The following ADAMTSL1 variants were observed in gnomAD, a reference collection of about 807,000 sequenced individuals.
The protein encoded by ADAMTSL1 is ADAMTS like 1.
Under a neutral mutation model 201.8 loss-of-function variants are expected in ADAMTSL1, and 126 were observed. The observed-to-expected ratio is 0.62, with a 90% CI of 0.54 to 0.72. The LOEUF is 0.72. Ranked by LOEUF, ADAMTSL1 falls within the 30% of genes least tolerant of loss-of-function variation. ADAMTSL1 has a pLI of 0.00. For missense variants in ADAMTSL1, 2,679 were observed against 2,277.8 expected, an observed-to-expected ratio of 1.18 and a Z score of -3.59; for synonymous variants, 1,121 against 903.4, an observed-to-expected ratio of 1.24 and a Z score of -4.32.
At chr9:18,145,378 G>A (rs140253478) in intron 1 of ADAMTSL1, among the ~76,000 whole-genome samples, 16 of 152,204 alleles carry the variant, frequency 1.1e-4, no homozygotes, top group East Asian at 1.9e-4. Flanking sequence ...AGTTTCTTGC[G>A]TTCTAAGTGA....
intron 9 of ADAMTSL1, among the ~76,000 whole-genome samples, chr9:18,665,663 C>T (rs988513535): frequency 9.2e-5 from 14 of 151,996 alleles, no homozygotes; most frequent in African/African-American, 3.4e-4. Context: ...TTTGTTCCCA[C>T]CATCTTCTTT....
At chr9:18,390,420 A>G (rs1837996822) in intron 2 of ADAMTSL1, among the ~76,000 whole-genome samples, 1 of 152,248 alleles carries the variant, frequency 6.6e-6, no homozygotes, top group South Asian at 2.1e-4. Flanking sequence ...GCAGTCTGCA[A>G]TATTGAGTTC....
intron 5 of ADAMTSL1, among the ~76,000 whole-genome samples, chr9:18,626,837 CTT>C (rs369648991): frequency 0.018 from 2,211 of 125,302 alleles, 30 homozygotes; most frequent in African/African-American, 0.03. Context: ...TTCTTACTTT[CTT>C]TTTCTTTCTT....
At position 18,588,621 on chromosome 9, in the gene ADAMTSL1, G is replaced by A. The variant is rs140440060; in HGVS notation, c.474+14355G>A. On this transcript the variant is annotated intron_variant, in intron 4 of 28. Coordinates refer to ENST00000380548, the MANE Select transcript of ADAMTSL1 (RefSeq NM_001040272.6). ...ACATTTAAGTCTTTAATCAATATTG[G>A]GTTAATTTTATATTTACTAAAAAAT... Among the ~76,000 whole-genome samples, 140 of 151,438 alleles carry A rather than the reference G, an allele frequency of 9.2e-4. 1 individual carries two copies. The East Asian group carries it at 0.015, about 17-fold the overall frequency.
At chr9:18,463,252 C>A (rs1416246474) in intron 2 of ADAMTSL1, among the ~76,000 whole-genome samples, 1 of 152,138 alleles carries the variant, frequency 6.6e-6, no homozygotes, top group Admixed American at 6.5e-5. Context: ...CATTGAGTTT[C>A]TGCAGTTACT....
intron 5 of ADAMTSL1, among the ~76,000 whole-genome samples, chr9:18,634,437 C>T (rs1303713688): frequency 6.6e-6 from 1 of 152,160 alleles, no homozygotes. Context: ...GTGGTGTGCA[C>T]CTGCAGTCCC....
intron 2 of ADAMTSL1, among the ~76,000 whole-genome samples, chr9:18,461,290 TTTTCTC>T (rs1220920168): frequency 6.6e-6 from 1 of 152,172 alleles, no homozygotes; most frequent in African/African-American, 2.4e-5. Flanking sequence ...TGCATCATCT[TTTTCTC>T]TTTAATTTTG....
intron 16 of ADAMTSL1, among the ~76,000 whole-genome samples, chr9:18,770,072 A>C (rs556257441): frequency 3.9e-5 from 6 of 152,186 alleles, no homozygotes; most frequent in Non-Finnish European, 7.3e-5. Flanking sequence ...TCAGTCCTGC[A>C]AGAAGAGTAT....
At chr9:18,107,923 C>T (rs1824831194) in intron 1 of ADAMTSL1, among the ~76,000 whole-genome samples, 1 of 152,092 alleles carries the variant, frequency 6.6e-6, no homozygotes, top group South Asian at 2.1e-4. Context: ...AGCACAGTTT[C>T]CTGCCGCCAA....
chr9:17,981,012 C>T (rs1176812852), intron 1 of ADAMTSL1, among the ~76,000 whole-genome samples: 1 of 152,150 alleles, frequency 6.6e-6, no homozygotes, highest in Admixed American at 6.5e-5. Flanking sequence ...AGAACTCACT[C>T]ATTGCCACGA....
chr9:18,756,079 ATAT>A (rs1819733747), intron 16 of ADAMTSL1, among the ~76,000 whole-genome samples: 1 of 3,438 alleles, frequency 2.9e-4, no homozygotes, highest in Non-Finnish European at 6.2e-4. Context: ...TACTGAAAAT[ATAT>A]ATATATATAT....
At position 18,661,985 on chromosome 9, in the gene ADAMTSL1, G is replaced by A. The variant is rs764202410; in HGVS notation, c.997G>A (p.Val333Ile). Reference protein sequence around the residue: ...ECYDLRSNRVVADQYCHYYPE... With the variant: ...ECYDLRSNRVIADQYCHYYPE... ...CTACGATCTGAGGAGCAACCGTGTG[G>A]TTGCTGACCAATACTGTCACTATTA... The change falls in exon 9 of 29, where the codon GTT (valine) becomes ATT (isoleucine). Residue 333 changes from valine to isoleucine, a missense_variant. Val to Ile is a conservative substitution (Grantham distance 29, BLOSUM62 3). Coordinates refer to ENST00000380548, the MANE Select transcript of ADAMTSL1 (RefSeq NM_001040272.6). 17 of 1,614,058 alleles carry A rather than the reference G, an allele frequency of 1.1e-5. No individual in the cohort carries two copies. In the East Asian group the frequency reaches 3.8e-4, roughly 36 times the overall value.
At chr9:18,610,756 C>A (rs902184908) in intron 4 of ADAMTSL1, among the ~76,000 whole-genome samples, 1 of 152,026 alleles carries the variant, frequency 6.6e-6, no homozygotes, top group Non-Finnish European at 1.5e-5. Context: ...ATAGATAAAT[C>A]CCTCTTCACC....
chr9:18,652,782 T>C (rs1371626798), intron 7 of ADAMTSL1, among the ~76,000 whole-genome samples: 5 of 152,182 alleles, frequency 3.3e-5, no homozygotes, highest in Non-Finnish European at 7.3e-5. Context: ...CCATTGTAAG[T>C]TGAGGAGCAT....
intron 2 of ADAMTSL1, among the ~76,000 whole-genome samples, chr9:18,258,071 G>A (rs72684976): frequency 0.039 from 5,919 of 152,230 alleles, 158 homozygotes; most frequent in Non-Finnish European, 0.063. Flanking sequence ...GTGAATGAAC[G>A]TACGTAAAGC....
intron 2 of ADAMTSL1, among the ~76,000 whole-genome samples, chr9:18,192,882 C>A (rs892129561): frequency 2.0e-5 from 3 of 152,088 alleles, no homozygotes; most frequent in African/African-American, 7.2e-5. Flanking sequence ...TTATTGCAAG[C>A]ACTGTATGAA....
intron 23 of ADAMTSL1, among the ~76,000 whole-genome samples, chr9:18,835,206 C>T (rs1825239448): frequency 6.6e-6 from 1 of 152,022 alleles, no homozygotes; most frequent in South Asian, 2.1e-4. Context: ...AATTTGCATT[C>T]CCTTAATTAC....
At chr9:18,203,297 A>T (rs1233159180) in intron 2 of ADAMTSL1, among the ~76,000 whole-genome samples, 1 of 152,028 alleles carries the variant, frequency 6.6e-6, no homozygotes, top group African/African-American at 2.4e-5. Context: ...CTGCCCAGAC[A>T]TGAGTTCCAG....
chr9:18,193,481 C>G (rs111256518), intron 2 of ADAMTSL1, among the ~76,000 whole-genome samples: 1 of 152,120 alleles, frequency 6.6e-6, no homozygotes, highest in South Asian at 2.1e-4. Context: ...CCTTTCTCTC[C>G]TCTTCTGGCT....
Sources: gnomAD v4.1 joint callset for allele counts (sites outside exome capture counted in the v4.1 genomes callset) on GRCh38, gnomAD v4.1.1 for gene constraint, MANE v1.5 for transcripts, NCBI Gene and HGNC (gene_info 2026-07-23, HGNC 2026-07-21) for gene names.